C12orf56: variants seen among roughly 807,000 people sequenced by gnomAD.
C12orf56 encodes the protein uncharacterized protein C12orf56.
Under a neutral mutation model 69.9 loss-of-function variants are expected in C12orf56, and 71 were observed. The observed-to-expected ratio is 1.02, with a 90% CI of 0.84 to 1.24. C12orf56 has a LOEUF of 1.24. Ranked by LOEUF, C12orf56 falls within the 50% of genes most tolerant of loss-of-function variation. The pLI is 0.00. For missense variants in C12orf56, 732 were observed against 738.5 expected (o/e 0.99, Z 0.10); for synonymous variants, 276 against 274.1 (o/e 1.01, Z -0.07).
chr12:64,267,094 A>C lies in C12orf56; in HGVS notation c.*89T>G. On this transcript the variant is annotated 3_prime_UTR_variant, in exon 13 of 13. Coordinates refer to ENST00000543942, the MANE Select transcript of C12orf56 (RefSeq NM_001170633.2). ...AGGACTCAGAGATAGCCAGATATTAAACAAATAAAAAAATGTTTCTCGTGA... is the reference window on the plus strand; with the variant it reads ...AGGACTCAGAGATAGCCAGATATTACACAAATAAAAAAATGTTTCTCGTGA... 1.0e-6 allele frequency: 1 copy of C among 989,858 alleles called. No homozygotes were observed. The highest frequency in any genetic ancestry group is 1.5e-6 in the Non-Finnish European group (1 of 675,454). 61.3% of individuals were successfully genotyped at this position (989,858 alleles called of 1,614,324 possible).
At chr12:64,287,256 AAAAAAAAG>A (rs1272229750) in intron 6 of C12orf56, among the ~76,000 whole-genome samples, 63 of 143,018 alleles carry the variant, frequency 4.4e-4, no homozygotes, top group East Asian at 2.4e-3. Context: ...AAAAAAAAAA[AAAAAAAAG>A]AAGAAGAAGA....
At chr12:64,368,336 A>C (rs1035224192) in intron 1 of C12orf56, among the ~76,000 whole-genome samples, 1 of 152,080 alleles carries the variant, frequency 6.6e-6, no homozygotes, top group Non-Finnish European at 1.5e-5. Context: ...CAAAAATTCC[A>C]AATTTCCTAA....
chr12:64,334,931 CTT>C (rs570169110), intron 2 of C12orf56, among the ~76,000 whole-genome samples: 124 of 152,246 alleles, frequency 8.1e-4, no homozygotes, highest in African/African-American at 2.7e-3. Flanking sequence ...TAAATGTAAA[CTT>C]AAATTCAGTT....
chr12:64,278,467 T>C (rs986034435), intron 8 of C12orf56, among the ~76,000 whole-genome samples: 3 of 152,158 alleles, frequency 2.0e-5, no homozygotes, highest in Non-Finnish European at 4.4e-5. Context: ...CTTTTTTTAA[T>C]TGATAATAAA....
rs974502850 is a variant in C12orf56, at chr12:64,353,030, A to T, written c.279T>A (p.Ser93Arg). Residue 93 changes from serine to arginine, a missense_variant, in exon 2 of 13, where the codon AGT becomes AGA. Ser to Arg is a moderately radical substitution (Grantham distance 110). Transcript: ENST00000543942. The stretch of plus-strand genomic sequence containing the variant: ...GTTGGCTGATTTCTCTATCTGGCGA[A>T]CTCAAAAATTCCGGGTAATCATCAA... ...DLIDDYPEFL[S>R]SPDREISQHI... The T allele has an allele frequency of 1.9e-6, 3 of 1,610,720 alleles. No homozygotes were observed. Among genetic ancestry groups the T allele is most frequent in the East Asian group, 2.2e-5 (1 of 44,832 alleles).
chr12:64,370,814 T>C (rs187762483), intron 1 of C12orf56, among the ~76,000 whole-genome samples: 1 of 152,214 alleles, frequency 6.6e-6, no homozygotes, highest in Admixed American at 6.5e-5. Flanking sequence ...AACTGTAAGG[T>C]ACTAATGTGA....
rs2037976538 is a variant in C12orf56, at chr12:64,270,731, C to T, written c.1585-17G>A. The T allele has an allele frequency of 6.3e-7, 1 of 1,588,858 alleles. No homozygotes were observed. Among genetic ancestry groups the T allele is most frequent in the East Asian group, 2.2e-5 (1 of 44,708 alleles). ...AAAAGTAATCTAGACAAGGAAAATA[C>T]AGTTACATGTAGGCTGTGTGCCACC... On this transcript the variant is annotated splice_polypyrimidine_tract_variant and intron_variant, in intron 11 of 12. Transcript: ENST00000543942.
chr12:64,336,187 G>T (rs1429214801), intron 2 of C12orf56, among the ~76,000 whole-genome samples: 85 of 152,154 alleles, frequency 5.6e-4, no homozygotes, highest in Non-Finnish European at 7.3e-5. Flanking sequence ...AATGGAAAAG[G>T]GGAGTGTTTT....
intron 2 of C12orf56, among the ~76,000 whole-genome samples, chr12:64,345,200 C>G (rs752451138): frequency 8.5e-5 from 13 of 152,174 alleles, no homozygotes; most frequent in Non-Finnish European, 1.6e-4. Flanking sequence ...TACAAGCAAA[C>G]AGGAACATTG....
intron 2 of C12orf56, among the ~76,000 whole-genome samples, chr12:64,341,539 C>G (rs965076165): frequency 6.6e-6 from 1 of 152,160 alleles, no homozygotes. Context: ...TGAGCATGAG[C>G]CCACATCACA....
At chr12:64,360,828 T>C (rs2039390189) in intron 1 of C12orf56, among the ~76,000 whole-genome samples, 1 of 152,224 alleles carries the variant, frequency 6.6e-6, no homozygotes, top group Non-Finnish European at 1.5e-5. Flanking sequence ...AAACATAGTT[T>C]TTTTTCCTAA....
intron 2 of C12orf56, among the ~76,000 whole-genome samples, chr12:64,339,282 C>T (rs1343920489): frequency 6.6e-6 from 1 of 152,192 alleles, no homozygotes; most frequent in African/African-American, 2.4e-5. Context: ...GGGGAAAAGT[C>T]TTTCCTCCCC....
At chr12:64,279,561 C>A (rs1304490873) in intron 8 of C12orf56, among the ~76,000 whole-genome samples, 1 of 152,088 alleles carries the variant, frequency 6.6e-6, no homozygotes, top group Non-Finnish European at 1.5e-5. Flanking sequence ...AGTATAAATA[C>A]CCTTGTTTAG....
At chr12:64,328,354 C>T (rs2038870516) in intron 3 of C12orf56, among the ~76,000 whole-genome samples, 1 of 152,088 alleles carries the variant, frequency 6.6e-6, no homozygotes, top group African/African-American at 2.4e-5. Context: ...TCCCCTCTTC[C>T]TTCTAATATC....
Position 64,318,931 on chromosome 12 carries a change from G to A in C12orf56, c.538C>T (p.Arg180Cys), listed in dbSNP as rs1054821157. Residue 180 changes from arginine (R) to cysteine (C), a missense_variant, in exon 4 of 13, where the codon CGT becomes TGT. Coordinates refer to ENST00000543942, the MANE Select transcript of C12orf56 (RefSeq NM_001170633.2). ...TPSKDSTLCP[R>C]PGLKKLSLHG... The stretch of plus-strand genomic sequence containing the variant: ...AGGGACAGCTTTTTGAGGCCTGGAC[G>A]AGGACAGAGAGTTGAGTCCTTGGAT... The A allele has an allele frequency of 2.3e-5, 36 of 1,535,152 alleles. No individual in the cohort carries two copies. The highest frequency in any genetic ancestry group is 5.5e-5 in the African/African-American group (4 of 72,974).
At chr12:64,349,890 G>A (rs145415362) in intron 2 of C12orf56, among the ~76,000 whole-genome samples, 2,868 of 152,192 alleles carry the variant, frequency 0.019, 85 homozygotes, top group African/African-American at 0.065. Context: ...TCAGGAATTC[G>A]AGACCAGCCT....
intron 1 of C12orf56, among the ~76,000 whole-genome samples, chr12:64,362,373 T>C (rs573689281): frequency 4.4e-4 from 67 of 152,228 alleles, no homozygotes; most frequent in African/African-American, 1.1e-3. Flanking sequence ...GAGTCCACAC[T>C]GCAAAGTGAA....
At chr12:64,298,723 C>G (rs1044402646) in intron 6 of C12orf56, among the ~76,000 whole-genome samples, 1 of 152,168 alleles carries the variant, frequency 6.6e-6, no homozygotes, top group African/African-American at 2.4e-5. Flanking sequence ...GGGCTCTGTT[C>G]TGTTCCATTG....
rs551513539 is a variant in C12orf56, at chr12:64,317,691, T to C, written c.894+884A>G. Among the ~76,000 whole-genome samples, 3 of 149,326 alleles carry C rather than the reference T, an allele frequency of 2.0e-5. No individual in the cohort carries two copies. The South Asian group carries it at 6.4e-4, about 32-fold the overall frequency. ...AGGAGAATTGCTTGAATCCAGGAGG[T>C]AGAGGTTTCAGTGAGCCGAGATCAC... On this transcript the variant is annotated intron_variant, in intron 4 of 12. Coordinates refer to ENST00000543942, the MANE Select transcript of C12orf56 (RefSeq NM_001170633.2).
Sources: gnomAD v4.1 joint callset for allele counts (sites outside exome capture counted in the v4.1 genomes callset) on GRCh38, gnomAD v4.1.1 for gene constraint, MANE v1.5 for transcripts, NCBI Gene and HGNC (gene_info 2026-07-23, HGNC 2026-07-21) for gene names.